CDK6: variants seen among roughly 807,000 people sequenced by gnomAD.
CDK6 encodes cyclin dependent kinase 6.
In CDK6, 6 loss-of-function variants were observed where a neutral mutation model predicts 37.1. That is an observed-to-expected ratio of 0.16 (90% confidence interval 0.09 to 0.32). The LOEUF (loss-of-function observed/expected upper bound fraction) is 0.32, where lower values mean the gene tolerates loss of function less well. CDK6 is among the 10% of genes least tolerant of loss of function. The pLI is 1.00. For synonymous variants in CDK6, 160 were observed against 161.3 expected, an observed-to-expected ratio of 0.99 and a Z score of 0.06; for missense variants, 224 against 418.9, an observed-to-expected ratio of 0.53 and a Z score of 4.06.
intron 3 of CDK6, among the ~76,000 whole-genome samples, chr7:92,738,360 G>A (rs1211855724): frequency 6.6e-6 from 1 of 152,068 alleles, no homozygotes; most frequent in Non-Finnish European, 1.5e-5. Flanking sequence ...GGTATCACAG[G>A]CCAGCACAGT....
chr7:92,742,681 TC>T (rs1176921292), intron 3 of CDK6, among the ~76,000 whole-genome samples: 1 of 149,352 alleles, frequency 6.7e-6, no homozygotes. Flanking sequence ...GTTTGTAAAC[TC>T]TTTTTTTTCT....
intron 5 of CDK6, among the ~76,000 whole-genome samples, chr7:92,644,302 C>T (rs1401635109): frequency 1.3e-5 from 2 of 152,128 alleles, no homozygotes; most frequent in East Asian, 3.8e-4. Flanking sequence ...AACAGAAGCT[C>T]CCCATGGATA....
intron 4 of CDK6, among the ~76,000 whole-genome samples, chr7:92,681,548 A>G (rs1394248112): frequency 6.6e-6 from 1 of 152,184 alleles, no homozygotes; most frequent in East Asian, 1.9e-4. Flanking sequence ...CTTCCAGTCA[A>G]TTCATCATGT....
chr7:92,791,007 G>A lies in CDK6; in HGVS notation c.234-16176C>T, dbSNP rs573749177. On this transcript the variant is annotated intron_variant, in intron 2 of 7. Coordinates refer to ENST00000424848, the MANE Select transcript of CDK6 (RefSeq NM_001145306.2). ...GAGCCCAATCTGATGACATGGGTAAGGGGAAGTGTGGTAAGACCACCTGTA... is the reference window on the plus strand; with the variant it reads ...GAGCCCAATCTGATGACATGGGTAAAGGGAAGTGTGGTAAGACCACCTGTA... Among the ~76,000 whole-genome samples the A allele has an allele frequency of 5.9e-5, 9 of 152,266 alleles. No homozygotes were observed. The East Asian group carries it at 1.7e-3, about 29-fold the overall frequency.
chr7:92,785,951 C>A (rs1272357078), intron 2 of CDK6, among the ~76,000 whole-genome samples: 1 of 152,148 alleles, frequency 6.6e-6, no homozygotes, highest in East Asian at 1.9e-4. Flanking sequence ...ACATTTTTCC[C>A]TTGACTAGTT....
chr7:92,819,252 T>C (rs944777968), intron 2 of CDK6, among the ~76,000 whole-genome samples: 2 of 152,026 alleles, frequency 1.3e-5, no homozygotes, highest in Non-Finnish European at 2.9e-5. Flanking sequence ...ACAACATAAA[T>C]GAATCTCAAA....
At chr7:92,629,969 A>G (rs937390795) in intron 5 of CDK6, among the ~76,000 whole-genome samples, 1 of 152,004 alleles carries the variant, frequency 6.6e-6, no homozygotes, top group African/African-American at 2.4e-5. Flanking sequence ...CACTAATCCA[A>G]TCATGGGAGC....
intron 2 of CDK6, among the ~76,000 whole-genome samples, chr7:92,831,621 A>G (rs1455587742): frequency 6.6e-6 from 1 of 152,238 alleles, no homozygotes; most frequent in East Asian, 1.9e-4. Flanking sequence ...AGTCATCTAT[A>G]GGTTTTTATA....
At chr7:92,702,760 A>G (rs1797881455) in intron 4 of CDK6, among the ~76,000 whole-genome samples, 1 of 152,182 alleles carries the variant, frequency 6.6e-6, no homozygotes, top group Admixed American at 6.5e-5. Flanking sequence ...ATCCCAGGTA[A>G]GTCAGCACAG....
intron 2 of CDK6, among the ~76,000 whole-genome samples, chr7:92,798,167 C>A (rs994517277): frequency 1.2e-4 from 19 of 152,056 alleles, no homozygotes; most frequent in Admixed American, 9.2e-4. Flanking sequence ...TGATGTAAGA[C>A]TAAACAAAGG....
intron 4 of CDK6, among the ~76,000 whole-genome samples, chr7:92,673,139 G>A (rs755903769): frequency 6.6e-6 from 1 of 152,180 alleles, no homozygotes; most frequent in Non-Finnish European, 1.5e-5. Context: ...CCCCAGTTGA[G>A]CTCTCAGCTG....
chr7:92,710,186 T>A (rs1362019724), intron 4 of CDK6, among the ~76,000 whole-genome samples: 1 of 152,208 alleles, frequency 6.6e-6, no homozygotes, highest in Non-Finnish European at 1.5e-5. Flanking sequence ...TGGGTAGCAA[T>A]ATGCTTATCT....
In CDK6 at chr7:92,710,855, T is replaced by C. The variant is rs182858270; in HGVS notation, c.537+14771A>G. The C allele has an allele frequency of 3.6e-4, 355 of 985,374 alleles. 2 individuals are homozygous for C. In the African/African-American group the frequency reaches 5.8e-3, roughly 16 times the overall value. The allele number at this position is 985,374 out of a possible 1,614,324, so 61.0% of individuals were successfully genotyped here. A position where few individuals can be genotyped will look rare whatever the true frequency, so the allele number is the denominator to read the frequency against. ...TGACTTGGACACCTCTGCACGGAGA[T>C]GAAAGTTACAGCCATGGACCTGAGT... On this transcript the variant is annotated intron_variant, in intron 4 of 7. Transcript: ENST00000424848.
At chr7:92,760,467 T>C (rs1562957715) in intron 3 of CDK6, among the ~76,000 whole-genome samples, 1 of 152,158 alleles carries the variant, frequency 6.6e-6, no homozygotes, top group Non-Finnish European at 1.5e-5. Context: ...TGTTGGGCTA[T>C]AAAGATTCAG....
intron 2 of CDK6, among the ~76,000 whole-genome samples, chr7:92,818,253 G>A (rs891513203): frequency 6.6e-6 from 1 of 151,972 alleles, no homozygotes; most frequent in African/African-American, 2.4e-5. Context: ...TAGATATATA[G>A]ATCAATGCAA....
intron 5 of CDK6, among the ~76,000 whole-genome samples, chr7:92,665,358 A>AT (rs993988372): frequency 2.0e-4 from 31 of 151,700 alleles, no homozygotes; most frequent in African/African-American, 5.3e-4. Context: ...ATTTATAACA[A>AT]TTTTTTTTTA....
chr7:92,745,549 ATT>A (rs751828740), intron 3 of CDK6, among the ~76,000 whole-genome samples: 9 of 152,218 alleles, frequency 5.9e-5, no homozygotes, highest in Non-Finnish European at 1.0e-4. Context: ...TCAAAGGCCC[ATT>A]TGTGAAAAAA....
intron 5 of CDK6, among the ~76,000 whole-genome samples, chr7:92,652,927 C>G (rs748024988): frequency 3.3e-5 from 5 of 152,126 alleles, no homozygotes; most frequent in Non-Finnish European, 7.4e-5. Context: ...CATCACTAAA[C>G]TTTGTGTTGC....
At chr7:92,735,298 G>A (rs547180951) in intron 3 of CDK6, among the ~76,000 whole-genome samples, 68 of 151,898 alleles carry the variant, frequency 4.5e-4, no homozygotes, top group African/African-American at 1.6e-3. Flanking sequence ...TAGAATCGGG[G>A]GTATATGTGC....
Sources: allele counts gnomAD v4.1 joint callset (sites outside exome capture counted in the v4.1 genomes callset), GRCh38; gene constraint gnomAD v4.1.1; transcripts MANE v1.5; gene names NCBI Gene and HGNC (gene_info 2026-07-23, HGNC 2026-07-21).